Variants in INPP5A observed in about 807,000 individuals in gnomAD.
INPP5A encodes the protein inositol polyphosphate-5-phosphatase A.
Under a neutral mutation model 65.2 loss-of-function variants are expected in INPP5A, and 14 were observed. The ratio of observed to expected loss-of-function variants is 0.21; its 90% CI spans 0.14 to 0.34. INPP5A has a LOEUF of 0.34. INPP5A is among the 10% of genes least tolerant of loss of function. The pLI, the probability that INPP5A is intolerant of heterozygous loss-of-function variation, is 1.00. For missense variants in INPP5A, 431 were observed against 545.6 expected, an observed-to-expected ratio of 0.79 and a Z score of 2.09; for synonymous variants, 207 against 208.3, an observed-to-expected ratio of 0.99 and a Z score of 0.05.
chr10:132,776,907 G>A (rs115344845), intron 12 of INPP5A, among the ~76,000 whole-genome samples: 44 of 152,286 alleles, frequency 2.9e-4, no homozygotes, highest in African/African-American at 9.6e-4. Context: ...GTGTGAGGGC[G>A]GGGGCCAATG....
chr10:132,725,604 C>T (rs371953046), intron 8 of INPP5A, among the ~76,000 whole-genome samples: 18 of 152,366 alleles, frequency 1.2e-4, no homozygotes, highest in African/African-American at 3.8e-4. Context: ...TGGGCCCTAC[C>T]GTGCCCCTCA....
chr10:132,775,849 G>GA, intron 12 of INPP5A, among the ~76,000 whole-genome samples: 1 of 152,194 alleles, frequency 6.6e-6, no homozygotes, highest in African/African-American at 2.4e-5. Context: ...GCCCCCAGGG[G>GA]ACGCCAGGTG....
chr10:132,728,825 C>A (rs551695275), intron 9 of INPP5A, among the ~76,000 whole-genome samples: 1 of 152,308 alleles, frequency 6.6e-6, no homozygotes, highest in Non-Finnish European at 1.5e-5. Flanking sequence ...GGAGCAGCCG[C>A]GGGAGCCTCC....
intron 2 of INPP5A, among the ~76,000 whole-genome samples, chr10:132,635,386 A>AATTTTTTTTTTT (rs2072331987): frequency 1.8e-4 from 10 of 54,502 alleles, no homozygotes; most frequent in African/African-American, 7.9e-4. Context: ...CTTTTTAAAG[A>AATTTTTTTTTTT]TTTTTTTTTT....
intron 11 of INPP5A, among the ~76,000 whole-genome samples, chr10:132,761,036 A>G (rs1846723771): frequency 6.6e-6 from 1 of 152,252 alleles, no homozygotes; most frequent in East Asian, 1.9e-4. Context: ...GGCAAAAGCA[A>G]AACACAAAGC....
Position 132,749,806 on chromosome 10 carries a change from C to T in INPP5A, c.864C>T (p.Tyr288=), listed in dbSNP as rs755801089. 5.1e-5 allele frequency: 83 copies of T among 1,613,160 alleles called. No homozygotes were observed. Among genetic ancestry groups the T allele is most frequent in the Non-Finnish European group, 6.9e-5 (81 of 1,180,018 alleles). The change falls in exon 11 of 16, where the codon TAC becomes TAT. Residue 288 remains tyrosine, a synonymous_variant. Coordinates refer to ENST00000368594, the MANE Select transcript of INPP5A (RefSeq NM_005539.5). The part of the protein sequence containing the change: ...MLQLEKKLFD[Y]FNQEVFRDNN... Reference sequence around the variant, plus strand: ...AGTTAGAAAAGAAACTCTTCGACTACTTCAACCAGGAGGTTTTCCGAGACA... The same window carrying T: ...AGTTAGAAAAGAAACTCTTCGACTATTTCAACCAGGAGGTTTTCCGAGACA...
intron 9 of INPP5A, among the ~76,000 whole-genome samples, chr10:132,730,171 G>A (rs1450529078): frequency 6.6e-6 from 1 of 152,228 alleles, no homozygotes; most frequent in Non-Finnish European, 1.5e-5. Context: ...GGGTCCACCT[G>A]CCCTGTCCTC....
At position 132,551,489 on chromosome 10, in the gene INPP5A, G is replaced by A. The variant is rs1260999461; in HGVS notation, c.75+13318G>A. Among the ~76,000 whole-genome samples, 11 of 152,226 alleles carry A rather than the reference G, an allele frequency of 7.2e-5. No homozygotes were observed. The highest frequency in any genetic ancestry group is 5.9e-5 in the Non-Finnish European group (4 of 68,044). On this transcript the variant is annotated intron_variant, in intron 1 of 15. Coordinates refer to ENST00000368594, the MANE Select transcript of INPP5A (RefSeq NM_005539.5). This position sits in a 1 kb window ranked among gnomAD's most constrained non-coding sequence, Gnocchi z 5.3. The stretch of plus-strand genomic sequence containing the variant: ...TGGACCAGCCACTGTGGGTCATGTG[G>A]GGGGATTTGGGTGGGACTCTCAGAG...
chr10:132,556,298 C>T (rs1274272709), intron 1 of INPP5A, among the ~76,000 whole-genome samples: 4 of 152,316 alleles, frequency 2.6e-5, no homozygotes, highest in Non-Finnish European at 5.9e-5. Context: ...AATGCATCCA[C>T]AGACCCACAG....
chr10:132,739,166 C>A (rs565276869), intron 9 of INPP5A, among the ~76,000 whole-genome samples: 1 of 152,232 alleles, frequency 6.6e-6, no homozygotes, highest in Non-Finnish European at 1.5e-5. Flanking sequence ...TCTCTGTGTT[C>A]GGTGCCCACT....
At chr10:132,624,028 T>C (rs1357500337) in intron 2 of INPP5A, among the ~76,000 whole-genome samples, 2 of 152,164 alleles carry the variant, frequency 1.3e-5, no homozygotes, top group Non-Finnish European at 2.9e-5. Flanking sequence ...TCAGTGTTGA[T>C]GAAGACGCAG....
intron 1 of INPP5A, among the ~76,000 whole-genome samples, chr10:132,552,659 T>G (rs567526171): frequency 7.0e-6 from 1 of 142,222 alleles, no homozygotes; most frequent in African/African-American, 2.7e-5. Context: ...AGAGCCTTGG[T>G]GGAATATTGA....
Position 132,650,373 on chromosome 10 carries a change from G to A in INPP5A, c.219-45G>A, listed in dbSNP as rs761382889. ...TTGTGGTCATCTCATGAGGTGCAAG[G>A]CGTCTGTGTGGCTTTTCCTCAGGAA... On this transcript the variant is annotated intron_variant, in intron 3 of 15. Transcript: ENST00000368594. This position sits in a 1 kb window ranked among gnomAD's most constrained non-coding sequence, Gnocchi z 5.5. 4.5e-6 allele frequency: 6 copies of A among 1,336,624 alleles called. No homozygotes were observed. Among genetic ancestry groups the A allele is most frequent in the Non-Finnish European group, 5.4e-6 (5 of 927,612 alleles). The allele number at this position is 1,336,624 out of a possible 1,614,324, so 82.8% of individuals were successfully genotyped here. A position where few individuals can be genotyped will look rare whatever the true frequency, so the allele number is the denominator to read the frequency against.
chr10:132,546,699 T>G lies in INPP5A; in HGVS notation c.75+8528T>G, dbSNP rs2070977461. Among the ~76,000 whole-genome samples the G allele has an allele frequency of 6.6e-6, 1 of 152,162 alleles. No homozygotes were observed. The highest frequency in any genetic ancestry group is 6.5e-5 in the Admixed American group (1 of 15,284). ...TCCTGCAGATCTGTGTAGCCTGCAC[T>G]GAACTGCCCCTCTTCCTGGGTGCAC... On this transcript the variant is annotated intron_variant, in intron 1 of 15. Coordinates refer to ENST00000368594, the MANE Select transcript of INPP5A (RefSeq NM_005539.5). This position sits in a 1 kb window ranked among gnomAD's most constrained non-coding sequence, Gnocchi z 5.7.
intron 1 of INPP5A, among the ~76,000 whole-genome samples, chr10:132,585,586 C>T (rs1042165736): frequency 6.6e-6 from 1 of 152,116 alleles, no homozygotes; most frequent in African/African-American, 2.4e-5. Context: ...CCCTCAGCTA[C>T]GGGGGATGCC....
intron 1 of INPP5A, among the ~76,000 whole-genome samples, chr10:132,570,333 G>A (rs575098382): frequency 3.4e-4 from 52 of 152,346 alleles, no homozygotes; most frequent in Middle Eastern, 6.8e-3. Context: ...GTTAACTGTA[G>A]CCCTTCTGTG....
At chr10:132,757,465 T>C (rs1049132807) in intron 11 of INPP5A, among the ~76,000 whole-genome samples, 10 of 152,286 alleles carry the variant, frequency 6.6e-5, no homozygotes, top group African/African-American at 2.2e-4. Context: ...GGTGGCCTGC[T>C]GTGCGGGTCT....
chr10:132,573,084 T>C (rs1235745698), intron 1 of INPP5A, among the ~76,000 whole-genome samples: 49 of 140,656 alleles, frequency 3.5e-4, no homozygotes, highest in Admixed American at 8.5e-4. Flanking sequence ...GTGTGTGTGC[T>C]GTGTGAGGTT....
At chr10:132,664,166 C>G (rs939692133) in intron 4 of INPP5A, among the ~76,000 whole-genome samples, 2 of 152,192 alleles carry the variant, frequency 1.3e-5, no homozygotes, top group Non-Finnish European at 2.9e-5. Flanking sequence ...GTTTCACTTC[C>G]GGAGCCCCGT....
Sources: gnomAD v4.1 joint callset for allele counts (sites outside exome capture counted in the v4.1 genomes callset) on GRCh38, gnomAD v4.1.1 for gene constraint, Gnocchi (gnomAD v3.1) non-coding constraint, MANE v1.5 for transcripts, NCBI Gene and HGNC (gene_info 2026-07-23, HGNC 2026-07-21) for gene names.